The following TMC5 variants were observed in gnomAD, a reference collection of about 807,000 sequenced individuals.
The protein encoded by TMC5 is transmembrane channel-like protein 5.
Under a neutral mutation model 110.5 loss-of-function variants are expected in TMC5, and 86 were observed. The observed-to-expected ratio is 0.78, with a 90% CI of 0.65 to 0.93. The LOEUF (loss-of-function observed/expected upper bound fraction) is 0.93, where lower values mean the gene tolerates loss of function less well. TMC5 is among the 40% of genes least tolerant of loss of function. The pLI is 0.00. For synonymous variants in TMC5, 455 were observed against 439.5 expected (o/e 1.04, Z -0.44); for missense variants, 1,144 against 1,222.8 (o/e 0.94, Z 0.96).
At chr16:19,465,966 T>C (rs1567315154) in intron 8 of TMC5, 116 bp from the exon 9 acceptor site, 2 of 1,123,514 alleles carry the variant, frequency 1.8e-6, no homozygotes, top group African/African-American at 3.1e-5. Flanking sequence ...AAACAAAATG[T>C]CTAAACTGAC....
chr16:19,486,625 C>T (rs887455393), intron 15 of TMC5, among the ~76,000 whole-genome samples: 1 of 152,052 alleles, frequency 6.6e-6, no homozygotes, highest in African/African-American at 2.4e-5. Flanking sequence ...GATTCACCCC[C>T]TCTTGGCCTC....
chr16:19,426,941 A>G (rs534077009), intron 1 of TMC5, among the ~76,000 whole-genome samples: 31 of 151,984 alleles, frequency 2.0e-4, no homozygotes, highest in Non-Finnish European at 4.0e-4. Context: ...GTGAATGAAA[A>G]CTTCTGGGAA....
Position 19,479,418 on chromosome 16 carries a change from G to A in TMC5, c.2170-13G>A. 1 of 1,605,750 alleles carries A rather than the reference G, an allele frequency of 6.2e-7. No homozygotes were observed. Among genetic ancestry groups the A allele is most frequent in the Non-Finnish European group, 8.5e-7 (1 of 1,172,476 alleles). ...AGCCCCTTCCCACATCCTGACTCTTGTTTGCCTTCCAGTGTTGGGAAACCC... is the reference window on the plus strand; with the variant it reads ...AGCCCCTTCCCACATCCTGACTCTTATTTGCCTTCCAGTGTTGGGAAACCC... On this transcript the variant is annotated splice_polypyrimidine_tract_variant and intron_variant, in intron 13 of 21. Transcript: ENST00000542583.
In TMC5 at chr16:19,469,861, T is replaced by C. The variant is rs200695495; in HGVS notation, c.1782+36T>C. 9 of 1,610,938 alleles carry C rather than the reference T, an allele frequency of 5.6e-6. No homozygotes were observed. The East Asian group carries it at 2.0e-4, about 36-fold the overall frequency. On this transcript the variant is annotated intron_variant, in intron 10 of 21. Coordinates refer to ENST00000542583, the MANE Select transcript of TMC5 (RefSeq NM_001261841.2). ...CTCACTTTACTCATTTGCCATCGGC[T>C]GGTCTCCTTCCCTTCTCCAGTATAC... is the stretch of plus-strand genomic sequence containing the variant.
chr16:19,431,705 A>G (rs981113827), intron 2 of TMC5, among the ~76,000 whole-genome samples: 2 of 152,058 alleles, frequency 1.3e-5, no homozygotes, highest in African/African-American at 4.8e-5. Context: ...CAGGTAATAA[A>G]TGGCCTCAAT....
rs753884686 is a variant in TMC5 at position 19,497,940 on chromosome 16, G to A, written c.2995G>A (p.Val999Ile). Residue 999 changes from valine to isoleucine, a missense_variant, in exon 22 of 22, where the codon GTT becomes ATT. Coordinates refer to ENST00000542583, the MANE Select transcript of TMC5 (RefSeq NM_001261841.2). ...GSLDLRSRRS[V>I]QEGNPRA ...CCTAGACTTGCGATCTAGAAGATCAGTTCAAGAAGGTAATCCAAGGGCCTG... is the reference window on the plus strand; with the variant it reads ...CCTAGACTTGCGATCTAGAAGATCAATTCAAGAAGGTAATCCAAGGGCCTG... 7.4e-6 allele frequency: 12 copies of A among 1,614,120 alleles called. No individual in the cohort carries two copies. The highest frequency in any genetic ancestry group is 1.0e-5 in the Non-Finnish European group (12 of 1,180,000).
At chr16:19,420,594 G>A (rs1481448611) in intron 1 of TMC5, among the ~76,000 whole-genome samples, 1 of 152,044 alleles carries the variant, frequency 6.6e-6, no homozygotes, top group Non-Finnish European at 1.5e-5. Flanking sequence ...CTGGGTAGCT[G>A]GGACTAACGG....
rs562434637 is a variant in TMC5 at position 19,458,046 on chromosome 16, T to C, written c.1049-2189T>C. Among the ~76,000 whole-genome samples the C allele has an allele frequency of 2.6e-3, 400 of 151,898 alleles. 3 individuals are homozygous for C. Among genetic ancestry groups the C allele is most frequent in the African/African-American group, 8.7e-3 (360 of 41,444 alleles). Reference sequence around the variant, plus strand: ...TCCAGCCTCAAGCCTGCATCCTTAATCGCTACACTGTCTCACTTTGGGCTA... The same window carrying C: ...TCCAGCCTCAAGCCTGCATCCTTAACCGCTACACTGTCTCACTTTGGGCTA... On this transcript the variant is annotated intron_variant, in intron 5 of 21. Transcript: ENST00000542583.
At chr16:19,435,334 A>G (rs938459371) in intron 2 of TMC5, among the ~76,000 whole-genome samples, 2 of 38,498 alleles carry the variant, frequency 5.2e-5, no homozygotes, top group African/African-American at 2.9e-4. Flanking sequence ...TACTAAAAAT[A>G]CAAAAAAAAA....
chr16:19,490,494 C>T lies in TMC5; in HGVS notation c.2673C>T (p.Tyr891=). The part of the protein sequence containing the change: ...WIDTLSTRPG[Y]LWVVWIYRNL... ...ACACCCTAAGTACACGGCCTGGCTA[C>T]CTGTGGGTTGTTTGGATCTATCGGA... The change falls in exon 18 of 22, where the codon TAC becomes TAT. Residue 891 remains tyrosine (Y), a synonymous_variant. Transcript: ENST00000542583. 1 of 1,614,114 alleles carries T rather than the reference C, an allele frequency of 6.2e-7. No homozygotes were observed. Among genetic ancestry groups the T allele is most frequent in the African/African-American group, 1.3e-5 (1 of 75,018 alleles).
At chr16:19,419,505 C>A (rs1234853993) in intron 1 of TMC5, among the ~76,000 whole-genome samples, 1 of 149,438 alleles carries the variant, frequency 6.7e-6, no homozygotes, top group Non-Finnish European at 1.5e-5. Context: ...CTCCGCCTCC[C>A]AGGTTCACGC....
At chr16:19,447,507 A>T (rs2143500522) in intron 4 of TMC5, among the ~76,000 whole-genome samples, 1 of 152,304 alleles carries the variant, frequency 6.6e-6, no homozygotes, top group East Asian at 1.9e-4. Context: ...ATGTTCGAGG[A>T]TTATTTAATC....
intron 17 of TMC5, among the ~76,000 whole-genome samples, chr16:19,488,703 G>T (rs796550758): frequency 3.3e-5 from 5 of 152,224 alleles, no homozygotes; most frequent in African/African-American, 1.2e-4. Flanking sequence ...TCTGCTCTCA[G>T]TTCCCCACTG....
chr16:19,485,967 G>A (rs1968730624), intron 15 of TMC5, among the ~76,000 whole-genome samples: 1 of 152,240 alleles, frequency 6.6e-6, no homozygotes, highest in African/African-American at 2.4e-5. Flanking sequence ...GGCAAGGCAT[G>A]TGGGACATGC....
intron 20 of TMC5, among the ~76,000 whole-genome samples, chr16:19,496,880 ACT>A (rs1290040897): frequency 2.5e-5 from 3 of 121,240 alleles, no homozygotes; most frequent in East Asian, 4.9e-4. Context: ...ATAAAGCAAG[ACT>A]CTGTCAAAAA....
At chr16:19,492,000 A>G (rs990455242) in intron 18 of TMC5, 150 bp from the exon 19 acceptor site, 1 of 672,924 alleles carries the variant, frequency 1.5e-6, no homozygotes, top group East Asian at 2.5e-5. Flanking sequence ...AATGTATTTA[A>G]CCTATAACTC....
At chr16:19,429,593 T>C (rs1360127856) in intron 1 of TMC5, among the ~76,000 whole-genome samples, 1 of 152,220 alleles carries the variant, frequency 6.6e-6, no homozygotes, top group Non-Finnish European at 1.5e-5. Flanking sequence ...CACTCGTCCA[T>C]GTGTGGGGGC....
At chr16:19,439,440 C>G (rs187934028) in intron 2 of TMC5, among the ~76,000 whole-genome samples, 1 of 152,276 alleles carries the variant, frequency 6.6e-6, no homozygotes, top group Admixed American at 6.5e-5. Flanking sequence ...TCCCCTCCCC[C>G]ATAACCAAGG....
chr16:19,492,384 C>G (rs1968930321), intron 19 of TMC5, 156 bp downstream of exon 19: 2 of 432,644 alleles, frequency 4.6e-6, no homozygotes, highest in African/African-American at 2.0e-5. Context: ...TTCATCTACA[C>G]TTTCTCTTCC....
Sources: allele counts gnomAD v4.1 joint callset (sites outside exome capture counted in the v4.1 genomes callset), GRCh38; gene constraint gnomAD v4.1.1; transcripts MANE v1.5; gene names NCBI Gene and HGNC (gene_info 2026-07-23, HGNC 2026-07-21).